Variants in NTNG2 observed in about 807,000 individuals in gnomAD.
The protein encoded by NTNG2 is netrin-G2.
In NTNG2, 15 loss-of-function variants were observed where a neutral mutation model predicts 47.6. The ratio of observed to expected loss-of-function variants is 0.32; its 90% CI spans 0.21 to 0.49. The LOEUF (loss-of-function observed/expected upper bound fraction) is 0.49. NTNG2 is among the 20% of genes least tolerant of loss of function. NTNG2 has a pLI of 0.99. For missense variants in NTNG2, 578 were observed against 764.6 expected, an observed-to-expected ratio of 0.76 and a Z score of 2.88; for synonymous variants, 307 against 324.6, an observed-to-expected ratio of 0.95 and a Z score of 0.58.
At chr9:132,239,038 G>A (rs759242424) in intron 5 of NTNG2, 66 bp from the exon 6 acceptor site, 13 of 1,529,144 alleles carry the variant, frequency 8.5e-6, no homozygotes, top group South Asian at 3.4e-5. Flanking sequence ...GTCCTTCCTC[G>A]CCCTGTCCCT....
chr9:132,204,941 GA>G (rs1245913635), intron 3 of NTNG2, among the ~76,000 whole-genome samples: 1 of 152,196 alleles, frequency 6.6e-6, no homozygotes, highest in Non-Finnish European at 1.5e-5. Context: ...AGGTACCCAT[GA>G]GGATGGCTAT....
chr9:132,227,065 C>A (rs375023271), intron 4 of NTNG2, 44 bp downstream of exon 4: 2 of 1,534,540 alleles, frequency 1.3e-6, no homozygotes, highest in Non-Finnish European at 8.8e-7. Flanking sequence ...TGGCTATAAT[C>A]TTCCCTGCCC....
chr9:132,240,238 C>CT (rs1385516559), intron 6 of NTNG2, among the ~76,000 whole-genome samples: 5 of 152,264 alleles, frequency 3.3e-5, no homozygotes, highest in Non-Finnish European at 7.3e-5. Flanking sequence ...TCCATCAACT[C>CT]TAAGTGATCA....
chr9:132,169,618 G>A (rs1835747505), intron 2 of NTNG2, among the ~76,000 whole-genome samples: 2 of 152,316 alleles, frequency 1.3e-5, no homozygotes, highest in African/African-American at 4.8e-5. Flanking sequence ...CCCACCAGGC[G>A]GCACAGCCTC....
chr9:132,240,994 C>G lies in NTNG2; in HGVS notation c.1307C>G (p.Pro436Arg), dbSNP rs1279950676. 6.2e-7 allele frequency: 1 copy of G among 1,610,346 alleles called. No homozygotes were observed. The highest frequency in any genetic ancestry group is 8.5e-7 in the Non-Finnish European group (1 of 1,179,484). ...GAGTGCCGCGAGGGCGCGGCGGGCC[C>G]CAAGTGCGACGACTGCCTCCCCACG... ...FCECREGAAG[P>R]KCDDCLPTHY... The change falls in exon 7 of 8, where the codon CCC (proline) becomes CGC (arginine). Residue 436 changes from proline to arginine, a missense_variant. Physicochemically the swap from Pro to Arg is moderately radical, Grantham distance 103. Coordinates refer to ENST00000393229, the MANE Select transcript of NTNG2 (RefSeq NM_032536.4).
chr9:132,171,742 T>C (rs1281696829), intron 2 of NTNG2, among the ~76,000 whole-genome samples: 1 of 152,194 alleles, frequency 6.6e-6, no homozygotes, highest in African/African-American at 2.4e-5. Context: ...GAACACCACA[T>C]GCAGAATCAA....
chr9:132,219,220 C>T (rs184787472), intron 3 of NTNG2, among the ~76,000 whole-genome samples: 55 of 88,700 alleles, frequency 6.2e-4, no homozygotes, highest in Admixed American at 9.0e-4. Context: ...TGTCTCAAAA[C>T]AAAAAAAAAA....
At position 132,241,137 on chromosome 9, in the gene NTNG2, G is replaced by A. The variant is rs955143501; in HGVS notation, c.1357+93G>A. ...GCGGGGCCTAGTGGGACGGGGCAGGGGCGGTGGACTGGGCCTAGCAAGACG... is the reference window on the plus strand; with the variant it reads ...GCGGGGCCTAGTGGGACGGGGCAGGAGCGGTGGACTGGGCCTAGCAAGACG... On this transcript the variant is annotated intron_variant, in intron 7 of 7. Transcript: ENST00000393229. 9 of 1,419,966 alleles carry A rather than the reference G, an allele frequency of 6.3e-6. No homozygotes were observed. In the African/African-American group the frequency reaches 7.2e-5, roughly 11 times the overall value. The allele number at this position is 1,419,966 out of a possible 1,614,324, so 88.0% of individuals were successfully genotyped here. A position where few individuals can be genotyped will look rare whatever the true frequency, so the allele number is the denominator to read the frequency against.
chr9:132,220,866 TTTA>T (rs1250077725), intron 3 of NTNG2, among the ~76,000 whole-genome samples: 3 of 152,238 alleles, frequency 2.0e-5, no homozygotes, highest in Non-Finnish European at 4.4e-5. Context: ...TCCCATATTA[TTTA>T]TTTATTTGTT....
At chr9:132,240,712 G>T in intron 6 of NTNG2, 198 bp from the exon 7 acceptor site, 1 of 700,234 alleles carries the variant, frequency 1.4e-6, no homozygotes, top group Admixed American at 2.7e-5. Context: ...AAGGAAGGAA[G>T]CCAGAGTCTT....
At chr9:132,220,651 A>C (rs1840292109) in intron 3 of NTNG2, among the ~76,000 whole-genome samples, 1 of 151,908 alleles carries the variant, frequency 6.6e-6, no homozygotes, top group South Asian at 2.1e-4. Context: ...ACGGGGTTTC[A>C]CCATGTTGAC....
At chr9:132,184,517 A>G (rs2131375922) in intron 2 of NTNG2, among the ~76,000 whole-genome samples, 1 of 152,354 alleles carries the variant, frequency 6.6e-6, no homozygotes, top group South Asian at 2.1e-4. Context: ...AAGAAATTTA[A>G]GCAGACACCT....
chr9:132,179,626 G>A (rs1836775205), intron 2 of NTNG2, among the ~76,000 whole-genome samples: 1 of 152,238 alleles, frequency 6.6e-6, no homozygotes, highest in Non-Finnish European at 1.5e-5. Context: ...TGCTTCCGTA[G>A]TGCCATGCAC....
At chr9:132,192,271 C>T (rs930634309) in intron 2 of NTNG2, among the ~76,000 whole-genome samples, 2 of 152,174 alleles carry the variant, frequency 1.3e-5, no homozygotes, top group Non-Finnish European at 1.5e-5. Flanking sequence ...TCTAATACCC[C>T]GGTGGGTCCC....
At chr9:132,220,197 T>G (rs1243001214) in intron 3 of NTNG2, among the ~76,000 whole-genome samples, 1 of 152,236 alleles carries the variant, frequency 6.6e-6, no homozygotes, top group Non-Finnish European at 1.5e-5. Context: ...ATTTGTCATT[T>G]TATTATTGAG....
chr9:132,206,594 A>G lies in NTNG2; in HGVS notation c.857+7985A>G, dbSNP rs540876707. ...AGGCAGGAGAATCACTTGAACCCAG[A>G]AGGCGGAGGTTGCAGTGAGCCGAGA... is the stretch of plus-strand genomic sequence containing the variant. On this transcript the variant is annotated intron_variant, in intron 3 of 7. Transcript: ENST00000393229. Among the ~76,000 whole-genome samples the G allele has an allele frequency of 6.4e-3, 970 of 152,214 alleles. 17 individuals carry two copies. In the East Asian group the frequency reaches 0.069, roughly 11 times the overall value.
chr9:132,222,388 G>A (rs960196551), intron 3 of NTNG2, among the ~76,000 whole-genome samples: 3 of 152,196 alleles, frequency 2.0e-5, no homozygotes, highest in Non-Finnish European at 2.9e-5. Flanking sequence ...CCTGCAGCAC[G>A]CATGTGGCAA....
chr9:132,176,650 C>T (rs530461294), intron 2 of NTNG2, among the ~76,000 whole-genome samples: 2 of 152,306 alleles, frequency 1.3e-5, no homozygotes, highest in African/African-American at 2.4e-5. Flanking sequence ...CTGCTGTGGA[C>T]ATTTGGGTCT....
intron 1 of NTNG2, among the ~76,000 whole-genome samples, chr9:132,165,500 TA>T (rs576226435): frequency 1.3e-5 from 2 of 152,034 alleles, no homozygotes; most frequent in South Asian, 2.1e-4. Context: ...TTCTTACAGT[TA>T]AAAAAAATTA....
Sources: allele counts gnomAD v4.1 joint callset (sites outside exome capture counted in the v4.1 genomes callset), GRCh38; gene constraint gnomAD v4.1.1; transcripts MANE v1.5; gene names NCBI Gene and HGNC (gene_info 2026-07-23, HGNC 2026-07-21).